DMTN: variants seen among roughly 807,000 people sequenced by gnomAD.
DMTN encodes dematin.
A neutral mutation model predicts 59.4 loss-of-function variants in DMTN; 27 were observed. The observed-to-expected ratio is 0.45, with a 90% CI of 0.33 to 0.63. DMTN has a LOEUF of 0.63. Among genes scored for constraint, DMTN ranks in the 20% least tolerant of loss-of-function variants. The pLI, the probability that DMTN is intolerant of heterozygous loss-of-function variation, is 0.02. For missense variants in DMTN, 451 were observed against 528.9 expected, an observed-to-expected ratio of 0.85 and a Z score of 1.45; for synonymous variants, 221 against 203.7, an observed-to-expected ratio of 1.08 and a Z score of -0.72.
chr8:22,067,235 C>A (rs1344282944), intron 3 of DMTN, 76 bp downstream of exon 3: 16 of 1,474,180 alleles, frequency 1.1e-5, no homozygotes, highest in Admixed American at 6.0e-5. Context: ...TGCTAGCGTG[C>A]CTTCCCGCAG....
intron 10 of DMTN, among the ~76,000 whole-genome samples, chr8:22,076,323 A>C (rs1439292188): frequency 6.6e-6 from 1 of 152,026 alleles, no homozygotes; most frequent in Non-Finnish European, 1.5e-5. Context: ...GCTTCCATTA[A>C]AGGTCCAGTC....
chr8:22,061,301 AAAG>A, intron 1 of DMTN, among the ~76,000 whole-genome samples: 1 of 135,330 alleles, frequency 7.4e-6, no homozygotes, highest in African/African-American at 3.1e-5. Context: ...AAAAAAAAAG[AAAG>A]AAAGAAAGAA....
Position 22,066,865 on chromosome 8 carries a change from C to T in DMTN, c.-11C>T. 3 of 1,402,540 alleles carry T rather than the reference C, an allele frequency of 2.1e-6. No individual in the cohort carries two copies. The highest frequency in any genetic ancestry group is 2.9e-5 in the South Asian group (2 of 68,372). 86.9% of individuals were successfully genotyped at this position (1,402,540 alleles called of 1,614,324 possible). On this transcript the variant is annotated 5_prime_UTR_variant, in exon 2 of 16. Coordinates refer to ENST00000358242, the MANE Select transcript of DMTN (RefSeq NM_001387751.1). ...CTCTGCGAGTGACCCGGCGGGCGAG[C>T]TCCGTGCTGCATGGAACGGCTGCAG... is the stretch of plus-strand genomic sequence containing the variant.
chr8:22,064,122 A>C (rs184845869), intron 1 of DMTN, among the ~76,000 whole-genome samples: 301 of 152,246 alleles, frequency 2.0e-3, no homozygotes, highest in African/African-American at 7.0e-3. Flanking sequence ...GGATGGATGG[A>C]TAGATGCAGG....
chr8:22,070,228 C>T lies in DMTN; in HGVS notation c.498C>T (p.Leu166=). ...AGACCAAGCACCTCATCGAGGATCTCATCATCGAGTCATCCAAGTTTCCTG... is the reference window on the plus strand; with the variant it reads ...AGACCAAGCACCTCATCGAGGATCTTATCATCGAGTCATCCAAGTTTCCTG... ...SPQTKHLIED[L]IIESSKFPAA... Residue 166 remains leucine, a synonymous_variant, in exon 8 of 16, where the codon CTC becomes CTT. Coordinates refer to ENST00000358242, the MANE Select transcript of DMTN (RefSeq NM_001387751.1). The T allele has an allele frequency of 1.2e-6, 2 of 1,611,058 alleles. No homozygotes were observed. The highest frequency in any genetic ancestry group is 1.3e-5 in the African/African-American group (1 of 74,926).
At position 22,072,466 on chromosome 8, in the gene DMTN, C is replaced by A. The variant is rs768658060; in HGVS notation, c.729+16C>A. On this transcript the variant is annotated intron_variant, in intron 9 of 15. Transcript: ENST00000358242. ...ACTCAGTAAGGTAGCATCTCACCACCCCCACCCTCCACCCCTGTGCAGGAG... is the reference window on the plus strand; with the variant it reads ...ACTCAGTAAGGTAGCATCTCACCACACCCACCCTCCACCCCTGTGCAGGAG... 18 of 1,541,480 alleles carry A rather than the reference C, an allele frequency of 1.2e-5. No individual in the cohort carries two copies. In the South Asian group the frequency reaches 2.1e-4, roughly 18 times the overall value.
chr8:22,068,303 C>T (rs567610962), intron 4 of DMTN, among the ~76,000 whole-genome samples: 5 of 152,310 alleles, frequency 3.3e-5, no homozygotes, highest in East Asian at 3.9e-4. Context: ...AGGCTAGGCA[C>T]GGTGGCTCAC....
At chr8:22,051,685 C>T (rs557157188), upstream of DMTN, among the ~76,000 whole-genome samples, 16 of 152,258 alleles carry the variant, frequency 1.1e-4, no homozygotes, top group South Asian at 2.3e-3. Flanking sequence ...TCTCAGCCAC[C>T]GCCTCCTTGC....
intron 10 of DMTN, among the ~76,000 whole-genome samples, chr8:22,076,238 G>A (rs1819701923): frequency 6.6e-6 from 1 of 152,070 alleles, no homozygotes; most frequent in Non-Finnish European, 1.5e-5. Context: ...AGGGTCTTCA[G>A]CTTGCTCATA....
At chr8:22,054,808 C>T (rs1801862635), upstream of DMTN, 1 of 152,560 alleles carries the variant, frequency 6.6e-6, no homozygotes, top group South Asian at 2.1e-4. Flanking sequence ...CTCAGGCCCC[C>T]TCCCTCCATC....
At chr8:22,079,752 T>A (rs6990472) in intron 10 of DMTN, among the ~76,000 whole-genome samples, 3 of 151,770 alleles carry the variant, frequency 2.0e-5, no homozygotes, top group Non-Finnish European at 4.4e-5. Flanking sequence ...GAGCCACCAC[T>A]CCTGGCCAAA....
At chr8:22,075,879 G>A (rs1226457010) in intron 10 of DMTN, among the ~76,000 whole-genome samples, 2 of 152,144 alleles carry the variant, frequency 1.3e-5, no homozygotes, top group Admixed American at 6.6e-5. Flanking sequence ...ATGAAAGATG[G>A]GAGGCAACAG....
At chr8:22,050,816 C>T (rs1478127396), upstream of DMTN, among the ~76,000 whole-genome samples, 2 of 152,164 alleles carry the variant, frequency 1.3e-5, no homozygotes, top group South Asian at 2.1e-4. Context: ...GAGCCTTCTC[C>T]TCACCACACC....
chr8:22,066,609 A>T (rs11780686), intron 1 of DMTN, 96 bp from the exon 2 acceptor site: 317,749 of 330,494 alleles, frequency 0.96, 152,850 homozygotes, highest in East Asian at 0.99. Flanking sequence ...GGGAAGCCTC[A>T]GCCGCAAGGG....
intron 8 of DMTN, 47 bp from the exon 9 acceptor site, chr8:22,072,279 A>G: frequency 6.4e-7 from 1 of 1,563,368 alleles, no homozygotes; most frequent in Non-Finnish European, 8.7e-7. Flanking sequence ...ACACACACTG[A>G]CCCCATGGCG....
chr8:22,071,724 C>T lies in DMTN; in HGVS notation c.605-602C>T, dbSNP rs887048193. On this transcript the variant is annotated intron_variant, in intron 8 of 15. Transcript: ENST00000358242. ...CCTCCTGAGTAGCTGGGACTACAGG[C>T]GCCCGCCACCACGCCCAGCTAATTT... Among the ~76,000 whole-genome samples the T allele has an allele frequency of 9.9e-5, 15 of 151,978 alleles. No individual in the cohort carries two copies. In the East Asian group the frequency reaches 1.7e-3, roughly 18 times the overall value.
intron 1 of DMTN, among the ~76,000 whole-genome samples, chr8:22,065,236 G>A (rs953403638): frequency 7.2e-5 from 11 of 152,116 alleles, no homozygotes; most frequent in African/African-American, 2.2e-4. Flanking sequence ...GTCTCCCTAT[G>A]TTGCCCGGGC....
At chr8:22,064,151 A>AGGAT (rs372218606) in intron 1 of DMTN, among the ~76,000 whole-genome samples, 5,048 of 151,956 alleles carry the variant, frequency 0.033, 94 homozygotes, top group African/African-American at 0.047. Context: ...GATGGATAGA[A>AGGAT]GGATGGATGG....
intron 2 of DMTN, 51 bp from the exon 3 acceptor site, chr8:22,067,034 G>T: frequency 7.1e-6 from 8 of 1,125,794 alleles, no homozygotes; most frequent in African/African-American, 1.7e-5. Context: ...CCCCCGCCCC[G>T]CTCCCGCACA....
Sources: allele counts gnomAD v4.1 joint callset (sites outside exome capture counted in the v4.1 genomes callset), GRCh38; gene constraint gnomAD v4.1.1; transcripts MANE v1.5; gene names NCBI Gene and HGNC (gene_info 2026-07-23, HGNC 2026-07-21).